BLTP3B: variants seen among roughly 807,000 people sequenced by gnomAD.
The protein encoded by BLTP3B is bridge-like lipid transfer protein family member 3B, also known as UHRF1 (ICBP90) binding protein 1-like.
the BLTP3B span, chr12:100,086,413 A>C: frequency 8.1e-7 from 1 of 1,239,722 alleles, no homozygotes. Flanking sequence ...AGAAAGATTT[A>C]ATTTACCACA....
the BLTP3B span, chr12:100,098,309 G>A: frequency 1.3e-6 from 2 of 1,514,746 alleles, no homozygotes; most frequent in Non-Finnish European, 8.9e-7. Flanking sequence ...TCTTTTACTT[G>A]TCACTAAATG....
chr12:100,128,690 C>T, the BLTP3B span: 1 of 1,288,620 alleles, frequency 7.8e-7, no homozygotes, highest in Non-Finnish European at 1.0e-6. Flanking sequence ...ATGCAATTCA[C>T]AGCACACCAA....
the BLTP3B span, chr12:100,057,604 C>T: frequency 3.7e-6 from 6 of 1,610,682 alleles, no homozygotes; most frequent in Admixed American, 3.4e-5. Context: ...TCACTTCCAT[C>T]ACTTTCTAAT....
At chr12:100,140,434 G>A in the BLTP3B span, among the ~76,000 whole-genome samples, 18 of 151,488 alleles carry the variant, frequency 1.2e-4, no homozygotes, top group Admixed American at 2.6e-4. Context: ...GGCCAGGCAC[G>A]GTGGCTCACA....
chr12:100,104,977 G>C, the BLTP3B span, among the ~76,000 whole-genome samples: 1 of 149,524 alleles, frequency 6.7e-6, no homozygotes, highest in Admixed American at 6.7e-5. Context: ...AAACACTGTG[G>C]AAAATCATAG....
chr12:100,110,603 T>A, the BLTP3B span, among the ~76,000 whole-genome samples: 2 of 152,022 alleles, frequency 1.3e-5, no homozygotes, highest in Non-Finnish European at 2.9e-5. Context: ...GTGAGACGGA[T>A]CAAATGGCAC....
At chr12:100,129,063 C>A in the BLTP3B span, among the ~76,000 whole-genome samples, 1 of 151,524 alleles carries the variant, frequency 6.6e-6, no homozygotes, top group Admixed American at 6.6e-5. Context: ...TAAATGAAAT[C>A]AATTAAGATA....
chr12:100,140,753 T>TATAA, the BLTP3B span, among the ~76,000 whole-genome samples: 2 of 106,962 alleles, frequency 1.9e-5, no homozygotes, highest in African/African-American at 3.8e-5. Context: ...TATATATATA[T>TATAA]AAAATAAAAT....
the BLTP3B span, among the ~76,000 whole-genome samples, chr12:100,091,482 C>A: frequency 6.6e-6 from 1 of 151,272 alleles, no homozygotes; most frequent in South Asian, 2.1e-4. Flanking sequence ...GCCACAGCGT[C>A]CGGCCCCTAA....
the BLTP3B span, among the ~76,000 whole-genome samples, chr12:100,038,916 G>GT: frequency 6.6e-6 from 1 of 152,154 alleles, no homozygotes; most frequent in African/African-American, 2.4e-5. Context: ...AAGTGAGGTA[G>GT]TTTCCTATAC....
chr12:100,111,796 G>C, the BLTP3B span, among the ~76,000 whole-genome samples: 1 of 151,890 alleles, frequency 6.6e-6, no homozygotes, highest in Non-Finnish European at 1.5e-5. Context: ...AGTAGAGACG[G>C]GGTTTCACCA....
chr12:100,045,979 A>G, the BLTP3B span, among the ~76,000 whole-genome samples: 1 of 152,188 alleles, frequency 6.6e-6, no homozygotes, highest in African/African-American at 2.4e-5. Flanking sequence ...GAAAAAATGC[A>G]CATCATCACT....
At chr12:100,065,421 T>C in the BLTP3B span, among the ~76,000 whole-genome samples, 30 of 152,180 alleles carry the variant, frequency 2.0e-4, no homozygotes, top group Non-Finnish European at 4.3e-4. Flanking sequence ...AGAGAGCCTA[T>C]AAACGGACGT....
chr12:100,125,404 C>T, the BLTP3B span, among the ~76,000 whole-genome samples: 12,046 of 150,692 alleles, frequency 0.08, 621 homozygotes, highest in African/African-American at 0.13. Context: ...AATCTCAACA[C>T]TTTGGGAGGC....
chr12:100,052,274 C>A, the BLTP3B span, among the ~76,000 whole-genome samples: 1 of 151,890 alleles, frequency 6.6e-6, no homozygotes, highest in East Asian at 1.9e-4. Context: ...AACTCCTGAC[C>A]TCAAGTGATC....
chr12:100,076,059 A>C, the BLTP3B span, among the ~76,000 whole-genome samples: 3 of 152,090 alleles, frequency 2.0e-5, no homozygotes, highest in Non-Finnish European at 4.4e-5. Context: ...AGCATCATGC[A>C]ATATAAAAAT....
chr12:100,092,432 T>C, the BLTP3B span, among the ~76,000 whole-genome samples: 35 of 152,296 alleles, frequency 2.3e-4, no homozygotes, highest in East Asian at 2.5e-3. Flanking sequence ...TGGAAGAAAC[T>C]TGCATATGCC....
At chr12:100,072,604 C>A in the BLTP3B span, 1 of 1,311,136 alleles carries the variant, frequency 7.6e-7, no homozygotes, top group South Asian at 1.8e-5. Flanking sequence ...TTATAAAACT[C>A]AAAAATATTA....
chr12:100,108,937 T>A, the BLTP3B span, among the ~76,000 whole-genome samples: 1 of 151,444 alleles, frequency 6.6e-6, no homozygotes, highest in South Asian at 2.1e-4. Context: ...GGAGCAGGGG[T>A]GGGAATGGGT....
Sources: gnomAD v4.1 joint callset for allele counts (sites outside exome capture counted in the v4.1 genomes callset) on GRCh38, gnomAD v4.1.1 for gene constraint, MANE v1.5 for transcripts, NCBI Gene and HGNC (gene_info 2026-07-23, HGNC 2026-07-21) for gene names.